The following PCOLCE2 variants were observed in gnomAD, a reference collection of about 807,000 sequenced individuals.
The protein encoded by PCOLCE2 is procollagen C-endopeptidase enhancer 2.
In PCOLCE2, 42 loss-of-function variants were observed where a neutral mutation model predicts 47.0. That is an observed-to-expected ratio of 0.89 (90% CI 0.70 to 1.16). The LOEUF is 1.16. Ranked by LOEUF, PCOLCE2 falls within the 50% of genes most tolerant of loss-of-function variation. PCOLCE2 has a pLI of 0.00. For synonymous variants in PCOLCE2, 169 were observed against 191.7 expected, an observed-to-expected ratio of 0.88 and a Z score of 0.98; for missense variants, 500 against 526.1, an observed-to-expected ratio of 0.95 and a Z score of 0.49.
chr3:142,844,719 C>G (rs892620265), intron 3 of PCOLCE2, among the ~76,000 whole-genome samples: 1 of 152,064 alleles, frequency 6.6e-6, no homozygotes, highest in African/African-American at 2.4e-5. Context: ...AAGTGTTTTG[C>G]CAATTTTTAT....
intron 5 of PCOLCE2, among the ~76,000 whole-genome samples, chr3:142,831,171 T>C (rs981355728): frequency 5.3e-5 from 8 of 152,248 alleles, no homozygotes; most frequent in Non-Finnish European, 8.8e-5. Context: ...TATTGAGAAA[T>C]GGAACCTTTA....
chr3:142,880,345 C>T lies in PCOLCE2; in HGVS notation c.192+7324G>A, dbSNP rs538452721. Among the ~76,000 whole-genome samples the T allele has an allele frequency of 1.1e-4, 17 of 152,074 alleles. No homozygotes were observed. The South Asian group carries it at 1.9e-3, about 17-fold the overall frequency. On this transcript the variant is annotated intron_variant, in intron 2 of 8. Coordinates refer to ENST00000295992, the MANE Select transcript of PCOLCE2 (RefSeq NM_013363.4). ...AAATATGTGTTTAAAGTCAAAATTC[C>T]ATTCCCCTATCTGTCCTGCTGTGGT...
Position 142,823,586 on chromosome 3 carries a change from GT to G in PCOLCE2, c.894del (p.Gln298HisfsTer21), listed in dbSNP as rs1188625144. 2 of 1,609,722 alleles carry G rather than the reference GT, an allele frequency of 1.2e-6. No individual in the cohort carries two copies. Among genetic ancestry groups the G allele is most frequent in the African/African-American group, 2.7e-5 (2 of 74,822 alleles). On this transcript the variant is annotated frameshift_variant, in exon 7 of 9. Coordinates refer to ENST00000295992, the MANE Select transcript of PCOLCE2 (RefSeq NM_013363.4). LOFTEE classifies it high-confidence loss of function. ...TGLKPTVALC[Q>X]QKCRRTGTLE... is the part of the protein sequence containing the mutation. ...AGAGTCCCCGTCCGTCTACACTTTT[GT>G]TGACACAAGGCCACGGTGGGTTTTA...
intron 2 of PCOLCE2, among the ~76,000 whole-genome samples, chr3:142,879,388 TAA>T (rs1185076432): frequency 1.3e-5 from 2 of 152,134 alleles, no homozygotes; most frequent in African/African-American, 4.8e-5. Context: ...TTATAAAACA[TAA>T]AGTTTTCAAT....
chr3:142,827,339 T>G, intron 6 of PCOLCE2: 2 of 1,446,908 alleles, frequency 1.4e-6, no homozygotes, highest in Non-Finnish European at 1.9e-6. Context: ...CAAGATGGGT[T>G]TGTCAGTTCG....
chr3:142,853,651 G>A (rs1200933329), intron 2 of PCOLCE2, among the ~76,000 whole-genome samples: 4 of 152,198 alleles, frequency 2.6e-5, no homozygotes, highest in Non-Finnish European at 4.4e-5. Flanking sequence ...TGGCAGCAGA[G>A]CTCCAAAAGG....
rs35383176 is a variant in PCOLCE2, at chr3:142,863,096, C to CAAAAAAAA, written c.193-14632_193-14625dup. Among the ~76,000 whole-genome samples the CAAAAAAAA allele has an allele frequency of 2.3e-5, 2 of 85,986 alleles. 1 individual carries two copies. The highest frequency in any genetic ancestry group is 4.5e-5 in the Non-Finnish European group (2 of 44,924). 56.4% of individuals were successfully genotyped at this position (85,986 alleles called of 152,430 possible). ...TATCAATACTTATCAGTCTGGCAGGCAAAAAAAAAAAAAAAAAAAAAAAGA... is the reference window on the plus strand; with the variant it reads ...TATCAATACTTATCAGTCTGGCAGGCAAAAAAAAAAAAAAAAAAAAAAAAAAAAAAAGA... On this transcript the variant is annotated intron_variant, in intron 2 of 8. Coordinates refer to ENST00000295992, the MANE Select transcript of PCOLCE2 (RefSeq NM_013363.4).
At chr3:142,841,273 T>C (rs569576630) in intron 4 of PCOLCE2, among the ~76,000 whole-genome samples, 17 of 152,318 alleles carry the variant, frequency 1.1e-4, no homozygotes, top group African/African-American at 4.1e-4. Flanking sequence ...TTTCCCATTA[T>C]ATTTTTCTCC....
rs1049741685 is a variant in PCOLCE2 at position 142,858,521 on chromosome 3, C to T, written c.193-10049G>A. Among the ~76,000 whole-genome samples, 8 of 152,126 alleles carry T rather than the reference C, an allele frequency of 5.3e-5. No individual in the cohort carries two copies. The East Asian group carries it at 5.8e-4, about 11-fold the overall frequency. ...ACATGCGCACACATATATGTGCGTG[C>T]GTGTGTGTGCGTGTGTATATCAAAC... On this transcript the variant is annotated intron_variant, in intron 2 of 8. Coordinates refer to ENST00000295992, the MANE Select transcript of PCOLCE2 (RefSeq NM_013363.4).
At chr3:142,824,919 C>T (rs925615411) in intron 6 of PCOLCE2, among the ~76,000 whole-genome samples, 2 of 152,152 alleles carry the variant, frequency 1.3e-5, no homozygotes, top group African/African-American at 4.8e-5. Context: ...TAAGCCACCG[C>T]GCCCAGCCTA....
intron 6 of PCOLCE2, chr3:142,827,449 G>C (rs1369504503): frequency 5.1e-6 from 8 of 1,557,006 alleles, no homozygotes; most frequent in African/African-American, 1.4e-5. Context: ...TGGTCTCAGG[G>C]TTGTGGGAGA....
At position 142,827,432 on chromosome 3, in the gene PCOLCE2, G is replaced by A. The variant is rs984246053; in HGVS notation, c.865+2260C>T. 52 of 1,560,888 alleles carry A rather than the reference G, an allele frequency of 3.3e-5. No individual in the cohort carries two copies. The Middle Eastern group carries it at 2.9e-3, about 87-fold the overall frequency. Reference sequence around the variant, plus strand: ...GGAGCCAGAGGGCAGCTTCACACGGGTCTTCTTGGTCTCAGGGTTGTGGGA... The same window carrying A: ...GGAGCCAGAGGGCAGCTTCACACGGATCTTCTTGGTCTCAGGGTTGTGGGA... On this transcript the variant is annotated intron_variant, in intron 6 of 8. Coordinates refer to ENST00000295992, the MANE Select transcript of PCOLCE2 (RefSeq NM_013363.4).
intron 8 of PCOLCE2, among the ~76,000 whole-genome samples, chr3:142,818,955 A>G (rs2108181009): frequency 6.6e-6 from 1 of 152,324 alleles, no homozygotes; most frequent in African/African-American, 2.4e-5. Context: ...AGGGGCCTCC[A>G]GGGCTCCATG....
intron 7 of PCOLCE2, among the ~76,000 whole-genome samples, chr3:142,821,513 C>G (rs1359200897): frequency 6.6e-6 from 1 of 151,908 alleles, no homozygotes; most frequent in Non-Finnish European, 1.5e-5. Context: ...TTCTGTGTCT[C>G]TCCTCACCCT....
chr3:142,860,292 C>G (rs901272191), intron 2 of PCOLCE2, among the ~76,000 whole-genome samples: 4 of 152,084 alleles, frequency 2.6e-5, no homozygotes, highest in Admixed American at 6.6e-5. Context: ...CCTGTTATTC[C>G]CCCTATTCCT....
chr3:142,837,524 C>T (rs1937217651), intron 5 of PCOLCE2, among the ~76,000 whole-genome samples: 1 of 152,024 alleles, frequency 6.6e-6, no homozygotes, highest in South Asian at 2.1e-4. Context: ...CATAATAATG[C>T]ATATAAAATC....
chr3:142,827,249 A>T (rs570041724), intron 6 of PCOLCE2: 3 of 1,225,128 alleles, frequency 2.4e-6, no homozygotes, highest in South Asian at 2.5e-5. Flanking sequence ...AGGATGCTCC[A>T]TAGGGTTCAT....
intron 2 of PCOLCE2, among the ~76,000 whole-genome samples, chr3:142,872,462 G>A (rs1220131658): frequency 6.6e-6 from 1 of 151,994 alleles, no homozygotes; most frequent in East Asian, 1.9e-4. Flanking sequence ...AGGCCTCTTT[G>A]CTGCTCCTAG....
chr3:142,829,950 A>G, intron 5 of PCOLCE2, 104 bp from the exon 6 acceptor site: 1 of 600,244 alleles, frequency 1.7e-6, no homozygotes, highest in Non-Finnish European at 2.8e-6. Flanking sequence ...ATAGATTACC[A>G]GTTGTTTAAA....
Sources: allele counts gnomAD v4.1 joint callset (sites outside exome capture counted in the v4.1 genomes callset), GRCh38; gene constraint gnomAD v4.1.1; transcripts MANE v1.5; gene names NCBI Gene and HGNC (gene_info 2026-07-23, HGNC 2026-07-21).